Variants in DLGAP1 observed in about 807,000 individuals in gnomAD.
DLGAP1 encodes disks large-associated protein 1.
DLGAP1 carries 11 observed loss-of-function variants against 90.8 expected under a neutral mutation model. The ratio of observed to expected loss-of-function variants is 0.12; its 90% CI spans 0.08 to 0.20. The LOEUF (loss-of-function observed/expected upper bound fraction) is 0.20. DLGAP1 is among the 10% of genes least tolerant of loss of function. The pLI is 1.00. For synonymous variants in DLGAP1, 558 were observed against 540.7 expected, an observed-to-expected ratio of 1.03 and a Z score of -0.44; for missense variants, 1,050 against 1,333.8, an observed-to-expected ratio of 0.79 and a Z score of 3.31.
At chr18:3,856,134 C>A (rs1037915868) in intron 4 of DLGAP1, among the ~76,000 whole-genome samples, 5 of 152,044 alleles carry the variant, frequency 3.3e-5, no homozygotes, top group Non-Finnish European at 7.4e-5. Context: ...TCATCTACTT[C>A]CAGGAATTTT....
chr18:3,882,487 G>A (rs1036685581), intron 3 of DLGAP1, among the ~76,000 whole-genome samples: 19 of 148,180 alleles, frequency 1.3e-4, no homozygotes, highest in African/African-American at 3.7e-4. Context: ...TGAATGCACC[G>A]CTATACTTCA....
At chr18:3,987,067 A>G (rs563348695) in intron 3 of DLGAP1, among the ~76,000 whole-genome samples, 1 of 152,286 alleles carries the variant, frequency 6.6e-6, no homozygotes, top group South Asian at 2.1e-4. Flanking sequence ...TTAGGTATTA[A>G]TTATTTTCTG....
intron 2 of DLGAP1, among the ~76,000 whole-genome samples, chr18:4,106,421 G>A (rs903747106): frequency 4.6e-5 from 7 of 152,178 alleles, no homozygotes; most frequent in Non-Finnish European, 8.8e-5. Context: ...TCCACATTCC[G>A]TGGGTGTAGG....
chr18:4,096,471 T>C (rs766635956), intron 2 of DLGAP1, among the ~76,000 whole-genome samples: 5 of 152,226 alleles, frequency 3.3e-5, no homozygotes, highest in Non-Finnish European at 7.3e-5. Flanking sequence ...ATCTGCTATA[T>C]GTCCTTTTCA....
At chr18:3,979,458 A>AC (rs2149027278) in intron 3 of DLGAP1, among the ~76,000 whole-genome samples, 1 of 1,132 alleles carries the variant, frequency 8.8e-4, no homozygotes, top group East Asian at 0.015. Context: ...TACTCCCATG[A>AC]TTGACACATG....
chr18:4,395,075 C>T (rs1405133746), intron 1 of DLGAP1, among the ~76,000 whole-genome samples: 1 of 152,170 alleles, frequency 6.6e-6, no homozygotes, highest in Non-Finnish European at 1.5e-5. Context: ...GTTAACTTTC[C>T]AGTTTCTGAT....
intron 3 of DLGAP1, among the ~76,000 whole-genome samples, chr18:3,969,741 A>T (rs1299222067): frequency 6.6e-6 from 1 of 152,212 alleles, no homozygotes; most frequent in African/African-American, 2.4e-5. Context: ...GGCCCTTAAT[A>T]AGAGTGCCAG....
chr18:4,270,539 C>T (rs1336540974), intron 1 of DLGAP1, among the ~76,000 whole-genome samples: 1 of 152,116 alleles, frequency 6.6e-6, no homozygotes, highest in Non-Finnish European at 1.5e-5. Context: ...TTGATGGTTT[C>T]ATCACACAAA....
chr18:3,561,237 G>A lies in DLGAP1; in HGVS notation c.2057+6253C>T, dbSNP rs368240763. On this transcript the variant is annotated intron_variant, in intron 9 of 12. Transcript: ENST00000315677. ...TTGAGACCAGCCTGTTCAACATGGT[G>A]AAACACCGTCTCTACTAAAAAAAAA... 6.5e-4 allele frequency among the ~76,000 whole-genome samples: 83 copies of A among 128,052 alleles called. 2 individuals are homozygous for A. The highest frequency in any genetic ancestry group is 2.5e-3 in the African/African-American group (82 of 32,588). 84.0% of individuals were successfully genotyped at this position (128,052 alleles called of 152,430 possible).
rs1015528643 is a variant in DLGAP1 at position 3,660,695 on chromosome 18, C to T, written c.1591+68440G>A. 4.6e-5 allele frequency among the ~76,000 whole-genome samples: 7 copies of T among 152,184 alleles called. No homozygotes were observed. Among genetic ancestry groups the T allele is most frequent in the Admixed American group, 1.3e-4 (2 of 15,282 alleles). Reference sequence around the variant, plus strand: ...TAGGGAGTTAGTCAAAATCTATGTGCAGAGTGAATACATATAACTTGCAGT... The same window carrying T: ...TAGGGAGTTAGTCAAAATCTATGTGTAGAGTGAATACATATAACTTGCAGT... On this transcript the variant is annotated intron_variant, in intron 7 of 12. Transcript: ENST00000315677. This position sits in a 1 kb window ranked among gnomAD's most constrained non-coding sequence, Gnocchi z 4.2.
chr18:3,581,881 C>A lies in DLGAP1; in HGVS notation c.1959G>T (p.Gly653=). Residue 653 remains glycine, a synonymous_variant, in exon 8 of 13, where the codon GGG becomes GGT. Coordinates refer to ENST00000315677, the MANE Select transcript of DLGAP1 (RefSeq NM_004746.4). ...TAGAAAGGGAGGCTGTTACCTGTAT[C>A]CCGATAGACAGGCATCGATTTTTCT... is the stretch of plus-strand genomic sequence containing the variant. The part of the protein sequence containing the change: ...HFKKNRCLSI[G]IQVDDAEEPD... 1 of 1,614,022 alleles carries A rather than the reference C, an allele frequency of 6.2e-7. No homozygotes were observed. Among genetic ancestry groups the A allele is most frequent in the Non-Finnish European group, 8.5e-7 (1 of 1,179,920 alleles).
At chr18:4,232,434 A>C (rs1048894864) in intron 1 of DLGAP1, among the ~76,000 whole-genome samples, 9 of 152,288 alleles carry the variant, frequency 5.9e-5, no homozygotes, top group Admixed American at 5.2e-4. Flanking sequence ...CTCGATAATG[A>C]ACTTTTTGCA....
chr18:3,950,604 A>G (rs752590396), intron 3 of DLGAP1, among the ~76,000 whole-genome samples: 1 of 152,214 alleles, frequency 6.6e-6, no homozygotes, highest in African/African-American at 2.4e-5. Context: ...GAGTGAATGA[A>G]TGAATGAATG....
intron 3 of DLGAP1, among the ~76,000 whole-genome samples, chr18:3,973,231 GCTAT>G (rs1261224008): frequency 6.8e-6 from 1 of 147,728 alleles, no homozygotes; most frequent in Admixed American, 7.0e-5. Context: ...TCAGGCTGCT[GCTAT>G]CTAATTAGAA....
At chr18:4,307,709 C>CTT (rs34193366) in intron 1 of DLGAP1, among the ~76,000 whole-genome samples, 132 of 107,152 alleles carry the variant, frequency 1.2e-3, no homozygotes, top group East Asian at 5.9e-3. Flanking sequence ...TGAGGGTTTA[C>CTT]TTTTTTTTTT....
At chr18:3,663,259 A>G (rs114356893) in intron 7 of DLGAP1, among the ~76,000 whole-genome samples, 1,839 of 152,030 alleles carry the variant, frequency 0.012, 38 homozygotes, top group African/African-American at 0.043. Flanking sequence ...CAAGGAGAGC[A>G]AGACTCCCCC....
chr18:3,797,001 G>A (rs1290984695), intron 5 of DLGAP1, among the ~76,000 whole-genome samples: 1 of 152,142 alleles, frequency 6.6e-6, no homozygotes, highest in Non-Finnish European at 1.5e-5. Flanking sequence ...GTGATCACAA[G>A]GGTGAGAACT....
intron 1 of DLGAP1, among the ~76,000 whole-genome samples, chr18:4,449,673 T>C (rs2083769193): frequency 6.6e-6 from 1 of 152,108 alleles, no homozygotes; most frequent in Admixed American, 6.5e-5. Context: ...CACAGTTCAG[T>C]GGGGAAAGCA....
In DLGAP1 at chr18:3,879,653, C is replaced by A. The variant is rs766975713; in HGVS notation, c.416G>T (p.Arg139Leu). ...CTTCTGGACCGAGTGCACCAGGTGG[C>A]GGATGCGGCCGGGGCTGTCGCTGCG... Reference protein sequence around the residue: ...EHRSDSPGRIRHLVHSVQKLF... With the variant: ...EHRSDSPGRILHLVHSVQKLF... The change falls in exon 4 of 13, where the codon CGC becomes CTC. Residue 139 changes from arginine (R) to leucine (L), a missense_variant. This residue lies in a region of DLGAP1 where 485 missense variants were observed against 454.1 expected (regional missense o/e 1.07). Transcript: ENST00000315677. The surrounding 1 kb of genome is among the most constrained non-coding windows in gnomAD (Gnocchi z 6.6). 2 of 1,605,460 alleles carry A rather than the reference C, an allele frequency of 1.2e-6. No individual in the cohort carries two copies. Among genetic ancestry groups the A allele is most frequent in the African/African-American group, 1.3e-5 (1 of 75,042 alleles).
Sources: allele counts gnomAD v4.1 joint callset (sites outside exome capture counted in the v4.1 genomes callset), GRCh38; gene constraint gnomAD v4.1.1; regional missense constraint gnomAD v4.1.1; non-coding constraint Gnocchi (gnomAD v3.1); transcripts MANE v1.5; gene names NCBI Gene and HGNC (gene_info 2026-07-23, HGNC 2026-07-21).